The following TMTC1 variants were observed in gnomAD, a reference collection of about 807,000 sequenced individuals.
TMTC1 encodes protein O-mannosyl-transferase TMTC1.
Under a neutral mutation model 104.8 loss-of-function variants are expected in TMTC1, and 73 were observed. The ratio of observed to expected loss-of-function variants is 0.70; its 90% confidence interval spans 0.58 to 0.85. The LOEUF (loss-of-function observed/expected upper bound fraction) is 0.85, where lower values mean the gene tolerates loss of function less well. Ranked by LOEUF, TMTC1 falls within the 40% of genes least tolerant of loss-of-function variation. The probability of loss-of-function intolerance (pLI) is 0.00; values close to 1 mark genes in which losing one functional copy is unlikely to be tolerated. For synonymous variants in TMTC1, 434 were observed against 428.7 expected (o/e 1.01, Z -0.15); for missense variants, 1,035 against 1,096.1 (o/e 0.94, Z 0.79).
At chr12:29,575,253 A>G (rs1945790299) in intron 8 of TMTC1, among the ~76,000 whole-genome samples, 1 of 152,108 alleles carries the variant, frequency 6.6e-6, no homozygotes, top group Non-Finnish European at 1.5e-5. Context: ...CCTGCAACTT[A>G]TTTGGATTAA....
chr12:29,579,460 G>C (rs569003629), intron 8 of TMTC1, among the ~76,000 whole-genome samples: 1 of 152,284 alleles, frequency 6.6e-6, no homozygotes, highest in South Asian at 2.1e-4. Flanking sequence ...CAGCAATTCA[G>C]AGAAGGGGAA....
intron 4 of TMTC1, among the ~76,000 whole-genome samples, chr12:29,754,875 T>C (rs1943178647): frequency 6.6e-6 from 1 of 152,194 alleles, no homozygotes. Flanking sequence ...TGTCAAGAAG[T>C]ATAAAGAGGT....
chr12:29,722,864 T>C (rs760031804), intron 5 of TMTC1, among the ~76,000 whole-genome samples: 2 of 143,356 alleles, frequency 1.4e-5, no homozygotes, highest in African/African-American at 5.1e-5. Context: ...GAGGTTGCAG[T>C]GAGCTGAGAT....
chr12:29,773,915 T>A (rs1458273081), intron 1 of TMTC1, among the ~76,000 whole-genome samples: 6 of 152,050 alleles, frequency 3.9e-5, no homozygotes, highest in African/African-American at 1.4e-4. Flanking sequence ...ACAGAAGAGA[T>A]CCACCAAAGA....
In TMTC1 at chr12:29,542,781, T is replaced by C. The variant is rs571893789; in HGVS notation, c.1677-6464A>G. Reference sequence around the variant, plus strand: ...AGAAAGGTGGCACTGGCTGGTTAATTTGCCCCATGAAAGATACTCCTGGAT... The same window carrying C: ...AGAAAGGTGGCACTGGCTGGTTAATCTGCCCCATGAAAGATACTCCTGGAT... On this transcript the variant is annotated intron_variant, in intron 10 of 17. Transcript: ENST00000539277. Among the ~76,000 whole-genome samples, 10 of 152,208 alleles carry C rather than the reference T, an allele frequency of 6.6e-5. 1 individual carries two copies. In the South Asian group the frequency reaches 2.1e-3, roughly 32 times the overall value.
intron 5 of TMTC1, among the ~76,000 whole-genome samples, chr12:29,714,030 G>A (rs1223474558): frequency 6.6e-6 from 1 of 152,098 alleles, no homozygotes; most frequent in Non-Finnish European, 1.5e-5. Context: ...AGTGTTCAAT[G>A]CACCAAGGTA....
rs1384080456 is a variant in TMTC1 at position 29,783,605 on chromosome 12, G to T, written c.147C>A (p.Phe49Leu). The change falls in exon 1 of 18, where the codon TTC (phenylalanine) becomes TTA (leucine). Residue 49 changes from phenylalanine (F) to leucine (L), a missense_variant. Physicochemically the swap from Phe to Leu is conservative, Grantham distance 22 (BLOSUM62 0). Transcript: ENST00000539277. The surrounding 1 kb of genome is among the most constrained non-coding windows in gnomAD (Gnocchi z 4.7). ...LCYGRSLQGE[F>L]VHDDVWAIVN... ...CGATCGCCCACACGTCGTCGTGCAC[G>T]AACTCGCCCTGCAGGGAGCGGCCGT... The T allele has an allele frequency of 6.8e-7, 1 of 1,476,754 alleles. No individual in the cohort carries two copies. Among genetic ancestry groups the T allele is most frequent in the Non-Finnish European group, 8.9e-7 (1 of 1,117,624 alleles). 91.5% of individuals were successfully genotyped at this position (1,476,754 alleles called of 1,614,324 possible). A position where few individuals can be genotyped will look rare whatever the true frequency, so the allele number is the denominator to read the frequency against.
chr12:29,560,090 G>A (rs1945341031), intron 9 of TMTC1, among the ~76,000 whole-genome samples: 1 of 152,180 alleles, frequency 6.6e-6, no homozygotes. Flanking sequence ...TTTTCTATTG[G>A]AAAGATGAAT....
intron 6 of TMTC1, among the ~76,000 whole-genome samples, chr12:29,615,335 T>C (rs1023805508): frequency 1.3e-5 from 2 of 152,174 alleles, no homozygotes; most frequent in African/African-American, 4.8e-5. Flanking sequence ...CCCGCTGAGG[T>C]GCATGTAACA....
intron 5 of TMTC1, among the ~76,000 whole-genome samples, chr12:29,725,852 T>C (rs1942373783): frequency 6.6e-6 from 1 of 152,250 alleles, no homozygotes; most frequent in African/African-American, 2.4e-5. Flanking sequence ...ATTTAAGACA[T>C]CTAATTGCTA....
intron 8 of TMTC1, among the ~76,000 whole-genome samples, chr12:29,577,723 T>G (rs1592261277): frequency 6.6e-6 from 1 of 152,032 alleles, no homozygotes; most frequent in Non-Finnish European, 1.5e-5. Flanking sequence ...TTTTCGGGGG[T>G]GGGTGCTGAA....
Position 29,701,680 on chromosome 12 carries a change from T to C in TMTC1, c.938+49986A>G, listed in dbSNP as rs768679835. Among the ~76,000 whole-genome samples, 63 of 152,164 alleles carry C rather than the reference T, an allele frequency of 4.1e-4. 1 individual carries two copies. Among genetic ancestry groups the C allele is most frequent in the Admixed American group, 2.0e-4 (3 of 15,270 alleles). ...CAACAAAACTTTAAAAAGAAATAGC[T>C]TACTAAATGCTTTCACTCCTTGTCA... On this transcript the variant is annotated intron_variant, in intron 5 of 17. Coordinates refer to ENST00000539277, the MANE Select transcript of TMTC1 (RefSeq NM_001193451.2).
At chr12:29,597,614 C>T (rs159705) in intron 7 of TMTC1, among the ~76,000 whole-genome samples, 40,343 of 147,482 alleles carry the variant, frequency 0.27, 5,696 homozygotes, top group East Asian at 0.37. Context: ...CAGGCAGACA[C>T]GCCATAAAAT....
chr12:29,663,938 T>C (rs536869197), intron 5 of TMTC1, among the ~76,000 whole-genome samples: 82 of 152,252 alleles, frequency 5.4e-4, no homozygotes, highest in African/African-American at 1.9e-3. Flanking sequence ...AGGCACCAAA[T>C]AATTTATTGT....
intron 10 of TMTC1, among the ~76,000 whole-genome samples, chr12:29,547,487 A>G (rs1202207568): frequency 1.3e-5 from 2 of 152,256 alleles, no homozygotes; most frequent in Non-Finnish European, 2.9e-5. Flanking sequence ...GAGTAAGTAC[A>G]TAGACATTCT....
intron 5 of TMTC1, among the ~76,000 whole-genome samples, chr12:29,723,863 T>C (rs1311752922): frequency 1.3e-5 from 2 of 152,068 alleles, no homozygotes; most frequent in Non-Finnish European, 2.9e-5. Flanking sequence ...GTTATTCATA[T>C]GGATAACAAG....
chr12:29,553,544 T>A (rs1351799887), intron 10 of TMTC1, among the ~76,000 whole-genome samples: 1 of 152,130 alleles, frequency 6.6e-6, no homozygotes, highest in Non-Finnish European at 1.5e-5. Flanking sequence ...TTCTTTCCTA[T>A]TCACTGTAAA....
At chr12:29,773,212 T>A (rs1943632542) in intron 1 of TMTC1, among the ~76,000 whole-genome samples, 1 of 152,140 alleles carries the variant, frequency 6.6e-6, no homozygotes, top group South Asian at 2.1e-4. Context: ...AGTTCTCAGA[T>A]AAGCTGGTTT....
intron 5 of TMTC1, among the ~76,000 whole-genome samples, chr12:29,642,732 T>C (rs1345067066): frequency 2.0e-5 from 3 of 152,116 alleles, no homozygotes; most frequent in Non-Finnish European, 2.9e-5. Context: ...AAGACCATTC[T>C]GGCTAACATG....
Sources: gnomAD v4.1 joint callset for allele counts (sites outside exome capture counted in the v4.1 genomes callset) on GRCh38, gnomAD v4.1.1 for gene constraint, Gnocchi (gnomAD v3.1) non-coding constraint, MANE v1.5 for transcripts, NCBI Gene and HGNC (gene_info 2026-07-23, HGNC 2026-07-21) for gene names.